The following TLN2 variants were observed in gnomAD, a reference collection of about 807,000 sequenced individuals.
TLN2 encodes the protein talin 2, also known as talin-2.
Under a neutral mutation model 294.7 loss-of-function variants are expected in TLN2, and 118 were observed. That is an observed-to-expected ratio of 0.40 (90% CI 0.34 to 0.47). The LOEUF (loss-of-function observed/expected upper bound fraction) is 0.47, where lower values mean the gene tolerates loss of function less well. Among genes scored for constraint, TLN2 ranks in the 20% least tolerant of loss-of-function variants. The pLI, the probability that TLN2 is intolerant of heterozygous loss-of-function variation, is 0.84. For synonymous variants in TLN2, 1,431 were observed against 1,304.5 expected, an observed-to-expected ratio of 1.10 and a Z score of -2.09; for missense variants, 3,083 against 3,282.2, an observed-to-expected ratio of 0.94 and a Z score of 1.48.
chr15:62,445,424 T>C (rs2035766301), intron 1 of TLN2, among the ~76,000 whole-genome samples: 2 of 152,196 alleles, frequency 1.3e-5, no homozygotes, highest in African/African-American at 4.8e-5. Context: ...AGTGTCATCA[T>C]TGGAACTCTT....
chr15:62,564,833 G>A (rs1246759365), intron 1 of TLN2, among the ~76,000 whole-genome samples: 6 of 150,226 alleles, frequency 4.0e-5, no homozygotes, highest in Non-Finnish European at 7.4e-5. Context: ...CTTGAACCCC[G>A]GGAGGTGGAG....
chr15:62,680,309 T>C (rs1446901217), intron 11 of TLN2, among the ~76,000 whole-genome samples: 3 of 152,322 alleles, frequency 2.0e-5, no homozygotes, highest in Middle Eastern at 3.4e-3. Flanking sequence ...AAACATGATA[T>C]AGAGAGCCTC....
At position 62,398,999 on chromosome 15, in the gene TLN2, C is replaced by T. The variant is rs558672926; in HGVS notation, c.-238+8314C>T. On this transcript the variant is annotated intron_variant, in intron 1 of 58. Coordinates refer to ENST00000636159, the MANE Select transcript of TLN2 (RefSeq NM_015059.3). ...TGGGTCCAGGGCCCCCTGCTGTGTG[C>T]AGCCTTGGGACTTGGTGCTCTGCAT... Among the ~76,000 whole-genome samples the T allele has an allele frequency of 2.0e-5, 3 of 152,184 alleles. No homozygotes were observed. In the East Asian group the frequency reaches 5.8e-4, roughly 30 times the overall value.
At chr15:62,399,821 TTA>T (rs2032886258) in intron 1 of TLN2, among the ~76,000 whole-genome samples, 1 of 152,222 alleles carries the variant, frequency 6.6e-6, no homozygotes, top group African/African-American at 2.4e-5. Context: ...TTTTACAGGC[TTA>T]TAGGTGAAAG....
chr15:62,745,867 A>T (rs1422940647), intron 32 of TLN2, among the ~76,000 whole-genome samples: 1 of 152,248 alleles, frequency 6.6e-6, no homozygotes, highest in Non-Finnish European at 1.5e-5. Flanking sequence ...AAAATTAGTT[A>T]TGGGAATTCG....
chr15:62,495,795 C>T (rs553041934), intron 1 of TLN2, among the ~76,000 whole-genome samples: 9 of 152,064 alleles, frequency 5.9e-5, no homozygotes, highest in Admixed American at 3.9e-4. Context: ...CTTTTATTAA[C>T]GAAATTGTAC....
At chr15:62,481,499 A>G (rs1467320064) in intron 1 of TLN2, among the ~76,000 whole-genome samples, 1 of 152,146 alleles carries the variant, frequency 6.6e-6, no homozygotes, top group Non-Finnish European at 1.5e-5. Context: ...AGTAGCTGAA[A>G]CTACAGGCAC....
At chr15:62,749,181 T>A (rs1024392503) in intron 33 of TLN2, among the ~76,000 whole-genome samples, 1 of 152,178 alleles carries the variant, frequency 6.6e-6, no homozygotes, top group African/African-American at 2.4e-5. Context: ...TCAGCATGGG[T>A]CTGGCATGGT....
chr15:62,642,633 T>G (rs1172111191), intron 3 of TLN2, among the ~76,000 whole-genome samples: 2 of 152,220 alleles, frequency 1.3e-5, no homozygotes, highest in Non-Finnish European at 2.9e-5. Flanking sequence ...AGTCTACATT[T>G]CTAGGTTGCT....
chr15:62,737,095 A>T lies in TLN2; in HGVS notation c.3567+9A>T. 1 of 1,613,918 alleles carries T rather than the reference A, an allele frequency of 6.2e-7. No individual in the cohort carries two copies. The highest frequency in any genetic ancestry group is 2.2e-5 in the East Asian group (1 of 44,878). On this transcript the variant is annotated intron_variant, in intron 29 of 58. Coordinates refer to ENST00000636159, the MANE Select transcript of TLN2 (RefSeq NM_015059.3). ...AACAAAGACTGGCTCAGGTGAGGCTAGGAATGAGAAATTGTGGTTGTCATG... is the reference window on the plus strand; with the variant it reads ...AACAAAGACTGGCTCAGGTGAGGCTTGGAATGAGAAATTGTGGTTGTCATG...
At chr15:62,589,177 A>C (rs1157359534) in intron 1 of TLN2, among the ~76,000 whole-genome samples, 1 of 152,126 alleles carries the variant, frequency 6.6e-6, no homozygotes, top group African/African-American at 2.4e-5. Context: ...TCTCTGCTTC[A>C]AATTGGGTTT....
intron 1 of TLN2, among the ~76,000 whole-genome samples, chr15:62,391,551 C>A (rs937080055): frequency 6.6e-6 from 1 of 152,138 alleles, no homozygotes; most frequent in South Asian, 2.1e-4. Context: ...GTCTTGACTG[C>A]GGAGGGGAGG....
At chr15:62,811,763 G>T (rs1468766294) in intron 52 of TLN2, among the ~76,000 whole-genome samples, 3 of 152,082 alleles carry the variant, frequency 2.0e-5, no homozygotes, top group Non-Finnish European at 2.9e-5. Context: ...CTGAATCCCA[G>T]CACTTTGGGA....
chr15:62,539,735 T>C (rs1436135141), intron 1 of TLN2, among the ~76,000 whole-genome samples: 1 of 152,074 alleles, frequency 6.6e-6, no homozygotes, highest in Non-Finnish European at 1.5e-5. Context: ...GAAGCACTCA[T>C]TGGGAGAGAT....
intron 1 of TLN2, among the ~76,000 whole-genome samples, chr15:62,509,112 A>G (rs1400775805): frequency 6.6e-6 from 1 of 152,214 alleles, no homozygotes; most frequent in East Asian, 1.9e-4. Flanking sequence ...CAGGGGTTGG[A>G]CCAAGATGGT....
chr15:62,537,148 A>G (rs2041403641), intron 1 of TLN2, among the ~76,000 whole-genome samples: 1 of 151,854 alleles, frequency 6.6e-6, no homozygotes, highest in South Asian at 2.1e-4. Context: ...CCTCCCGAGT[A>G]GCTGGGACTA....
chr15:62,791,152 G>T lies in TLN2; in HGVS notation c.5737-1489G>T, dbSNP rs1486370117. Among the ~76,000 whole-genome samples the T allele has an allele frequency of 2.6e-5, 4 of 151,528 alleles. No homozygotes were observed. In the East Asian group the frequency reaches 7.8e-4, roughly 30 times the overall value. ...ACCTGAGGTCAGGAGTTCGAGACCA[G>T]CCTGGCCAACATGGTGAAACCCCGT... On this transcript the variant is annotated intron_variant, in intron 45 of 58. Transcript: ENST00000636159.
At chr15:62,473,212 T>C (rs777115285) in intron 1 of TLN2, among the ~76,000 whole-genome samples, 2 of 152,198 alleles carry the variant, frequency 1.3e-5, no homozygotes, top group African/African-American at 4.8e-5. Context: ...GACAGAACTT[T>C]CAACTGTTCC....
At chr15:62,601,126 G>C (rs2046966883) in intron 2 of TLN2, among the ~76,000 whole-genome samples, 1 of 152,150 alleles carries the variant, frequency 6.6e-6, no homozygotes, top group African/African-American at 2.4e-5. Flanking sequence ...TTTTAGAGCA[G>C]AGATTCTCAA....
Sources: gnomAD v4.1 joint callset for allele counts (sites outside exome capture counted in the v4.1 genomes callset) on GRCh38, gnomAD v4.1.1 for gene constraint, MANE v1.5 for transcripts, NCBI Gene and HGNC (gene_info 2026-07-23, HGNC 2026-07-21) for gene names.